The following CNTN6 variants were observed in gnomAD, a reference collection of about 807,000 sequenced individuals.
The protein encoded by CNTN6 is contactin 6.
Under a neutral mutation model 122.8 loss-of-function variants are expected in CNTN6, and 137 were observed. The observed-to-expected ratio is 1.12, with a 90% CI of 0.97 to 1.29. The LOEUF (loss-of-function observed/expected upper bound fraction) is 1.29, where lower values mean the gene tolerates loss of function less well. Ranked by LOEUF, CNTN6 falls within the 50% of genes most tolerant of loss-of-function variation. The pLI, the probability that CNTN6 is intolerant of heterozygous loss-of-function variation, is 0.00. For missense variants in CNTN6, 1,634 were observed against 1,223.4 expected (o/e 1.34, Z -5.01); for synonymous variants, 570 against 426.0 (o/e 1.34, Z -4.16).
intron 4 of CNTN6, among the ~76,000 whole-genome samples, chr3:1,275,814 G>A (rs1328646131): frequency 6.6e-6 from 1 of 152,234 alleles, no homozygotes; most frequent in African/African-American, 2.4e-5. Flanking sequence ...AGGGGGCAGA[G>A]CTCAGGAGGT....
intron 22 of CNTN6, 45 bp downstream of exon 22, chr3:1,402,531 G>C: frequency 6.7e-7 from 1 of 1,501,078 alleles, no homozygotes; most frequent in Non-Finnish European, 9.1e-7. Context: ...AACCTAGACA[G>C]CTGCAGCATG....
intron 11 of CNTN6, among the ~76,000 whole-genome samples, chr3:1,332,533 G>GGAAGGAAGGAA (rs1559849838): frequency 4.3e-5 from 3 of 69,836 alleles, no homozygotes; most frequent in Admixed American, 1.2e-4. Context: ...GAAGGAAGGA[G>GGAAGGAAGGAA]GGAGGGAAGG....
rs1486849078 is a variant in CNTN6 at position 1,160,365 on chromosome 3, T to TATATATATATATATATATATATATATAC, written c.55+12305_55+12306insTATATATATATATATATATATATACATA. Among the ~76,000 whole-genome samples the TATATATATATATATATATATATATATAC allele has an allele frequency of 1.4e-3, 190 of 133,240 alleles. 4 individuals are homozygous for TATATATATATATATATATATATATATAC. The highest frequency in any genetic ancestry group is 5.1e-3 in the African/African-American group (176 of 34,394). 87.4% of individuals were successfully genotyped at this position (133,240 alleles called of 152,430 possible). A position where few individuals can be genotyped will look rare whatever the true frequency, so the allele number is the denominator to read the frequency against. On this transcript the variant is annotated intron_variant, in intron 2 of 22. Coordinates refer to ENST00000446702, the MANE Select transcript of CNTN6 (RefSeq NM_001289080.2). Reference sequence around the variant, plus strand: ...TACTGTATATATATATATATATATATATACACACTACCTATATGGTCATTT... The same window carrying TATATATATATATATATATATATATATAC: ...TACTGTATATATATATATATATATATATATATATATATATATATATATATATACATACACACTACCTATATGGTCATTT...
intron 1 of CNTN6, among the ~76,000 whole-genome samples, chr3:1,119,979 C>T (rs144029153): frequency 1.6e-3 from 251 of 152,124 alleles, no homozygotes; most frequent in African/African-American, 5.8e-3. Flanking sequence ...TAAATGGAAG[C>T]ATGTAGTACG....
At chr3:1,385,528 G>T in intron 19 of CNTN6, 83 bp from the exon 20 acceptor site, 1 of 1,104,664 alleles carries the variant, frequency 9.1e-7, no homozygotes, top group Non-Finnish European at 1.3e-6. Context: ...ATTCCTTGTG[G>T]TTGTGGTTGA....
chr3:1,283,404 C>T (rs1329813052), intron 5 of CNTN6, among the ~76,000 whole-genome samples: 1 of 152,132 alleles, frequency 6.6e-6, no homozygotes, highest in Non-Finnish European at 1.5e-5. Flanking sequence ...ATTTCAGTCA[C>T]TCGTCACAAA....
chr3:1,267,768 A>G (rs2094950322), intron 4 of CNTN6, among the ~76,000 whole-genome samples: 2 of 152,186 alleles, frequency 1.3e-5, no homozygotes, highest in Non-Finnish European at 2.9e-5. Context: ...TCCTGGGAAT[A>G]ATGAATTCAA....
intron 2 of CNTN6, among the ~76,000 whole-genome samples, chr3:1,187,876 T>TG (rs1438011948): frequency 6.6e-6 from 1 of 152,096 alleles, no homozygotes; most frequent in Non-Finnish European, 1.5e-5. Context: ...TATGGTTGGT[T>TG]GGGCACCGTA....
chr3:1,160,570 T>C (rs1032925572), intron 2 of CNTN6, among the ~76,000 whole-genome samples: 21 of 151,440 alleles, frequency 1.4e-4, no homozygotes, highest in Non-Finnish European at 2.8e-4. Context: ...TTGGTGTTTT[T>C]AAAAGGACCT....
chr3:1,377,399 G>A (rs1710032735), intron 17 of CNTN6, among the ~76,000 whole-genome samples: 1 of 152,068 alleles, frequency 6.6e-6, no homozygotes, highest in Non-Finnish European at 1.5e-5. Flanking sequence ...CTGTTGTATT[G>A]TGAATAAGTT....
intron 16 of CNTN6, among the ~76,000 whole-genome samples, chr3:1,374,408 ATGT>A (rs1234778215): frequency 6.6e-6 from 1 of 152,116 alleles, no homozygotes; most frequent in East Asian, 1.9e-4. Context: ...TTTCATTAAA[ATGT>A]TGTAGCCAGG....
Position 1,227,814 on chromosome 3 carries a change from G to A in CNTN6, c.183-4G>A, listed in dbSNP as rs1417771689. On this transcript the variant is annotated splice_region_variant and splice_polypyrimidine_tract_variant and intron_variant, in intron 3 of 22. Coordinates refer to ENST00000446702, the MANE Select transcript of CNTN6 (RefSeq NM_001289080.2). ...TAAGCACTTTATTTTTTTTTTCCTT[G>A]AAGGTGGAAGCAAAATGGCACAGAC... 1 of 1,598,374 alleles carries A rather than the reference G, an allele frequency of 6.3e-7. No individual in the cohort carries two copies. The highest frequency in any genetic ancestry group is 1.8e-5 in the Admixed American group (1 of 55,870).
chr3:1,363,219 C>G (rs1422663004), intron 12 of CNTN6, among the ~76,000 whole-genome samples: 1 of 151,908 alleles, frequency 6.6e-6, no homozygotes, highest in African/African-American at 2.4e-5. Flanking sequence ...ATAGCTGCCT[C>G]TTTTGTGTGT....
Position 1,398,818 on chromosome 3 carries a change from G to A in CNTN6, c.2705-2615G>A, listed in dbSNP as rs992406085. ...TCTCATCTCCCAGAGAGCAAGAGAAGTAAAACATTCTAAATAATCTGTATA... is the reference window on the plus strand; with the variant it reads ...TCTCATCTCCCAGAGAGCAAGAGAAATAAAACATTCTAAATAATCTGTATA... On this transcript the variant is annotated intron_variant, in intron 20 of 22. Transcript: ENST00000446702. Among the ~76,000 whole-genome samples the A allele has an allele frequency of 3.3e-5, 5 of 152,050 alleles. No homozygotes were observed. The East Asian group carries it at 9.6e-4, about 29-fold the overall frequency.
intron 10 of CNTN6, among the ~76,000 whole-genome samples, chr3:1,328,312 G>T (rs1055883873): frequency 1.1e-4 from 17 of 151,788 alleles, no homozygotes; most frequent in Admixed American, 4.0e-4. Context: ...CCAACCAGTG[G>T]TGTCTGCCAC....
intron 1 of CNTN6, among the ~76,000 whole-genome samples, chr3:1,115,458 TAAAC>T (rs890848427): frequency 5.3e-5 from 8 of 151,994 alleles, no homozygotes; most frequent in Non-Finnish European, 1.0e-4. Flanking sequence ...GCTTAAACAA[TAAAC>T]AAAAGGGCCG....
chr3:1,294,764 C>A (rs996544252), intron 5 of CNTN6, among the ~76,000 whole-genome samples: 4 of 152,146 alleles, frequency 2.6e-5, no homozygotes, highest in African/African-American at 9.7e-5. Flanking sequence ...TCTTAGAAGT[C>A]TTTTCTGATG....
intron 2 of CNTN6, among the ~76,000 whole-genome samples, chr3:1,207,493 C>G (rs963299794): frequency 1.3e-5 from 2 of 152,186 alleles, no homozygotes; most frequent in African/African-American, 4.8e-5. Flanking sequence ...TTATTATCCA[C>G]TTTTCTTTTG....
At chr3:1,398,655 C>A (rs1040253233) in intron 20 of CNTN6, among the ~76,000 whole-genome samples, 1 of 152,002 alleles carries the variant, frequency 6.6e-6, no homozygotes, top group South Asian at 2.1e-4. Flanking sequence ...ATACCACTAA[C>A]CAAATGAGGA....
Sources: allele counts gnomAD v4.1 joint callset (sites outside exome capture counted in the v4.1 genomes callset), GRCh38; gene constraint gnomAD v4.1.1; transcripts MANE v1.5; gene names NCBI Gene and HGNC (gene_info 2026-07-23, HGNC 2026-07-21).